Variants in MYH9 observed in about 807,000 individuals in gnomAD.
The protein encoded by MYH9 is myosin-9.
Under a neutral mutation model 241.9 loss-of-function variants are expected in MYH9, and 29 were observed. That is an observed-to-expected ratio of 0.12 (90% confidence interval 0.09 to 0.16). The LOEUF (loss-of-function observed/expected upper bound fraction) is 0.16, where lower values mean the gene tolerates loss of function less well. MYH9 is among the 10% of genes least tolerant of loss of function. The probability of loss-of-function intolerance (pLI) is 1.00; values close to 1 mark genes in which losing one functional copy is unlikely to be tolerated. For synonymous variants in MYH9, 1,047 were observed against 1,062.6 expected, an observed-to-expected ratio of 0.99 and a Z score of 0.29; for missense variants, 1,803 against 2,595.5, an observed-to-expected ratio of 0.69 and a Z score of 6.63.
intron 40 of MYH9, among the ~76,000 whole-genome samples, 158 bp from the exon 41 acceptor site, chr22:36,282,943 G>A (rs1206359041): frequency 6.6e-6 from 1 of 152,200 alleles, no homozygotes; most frequent in Non-Finnish European, 1.5e-5. Flanking sequence ...AGCCACAGCT[G>A]AGCTAGACAG....
At position 36,306,410 on chromosome 22, in the gene MYH9, G is replaced by GCAC. The variant is rs758592056; in HGVS notation, c.2037+1_2037+3dup. On this transcript the variant is annotated splice_donor_region_variant and intron_variant, in intron 16 of 40. Coordinates refer to ENST00000216181, the MANE Select transcript of MYH9 (RefSeq NM_002473.6). This position sits in a 1 kb window ranked among gnomAD's most constrained non-coding sequence, Gnocchi z 4.1. ...GCCCGGGCCACCCCACCAGGCAGCC[G>GCAC]CACCTTCTTCTCGTGGTTGGGGATG... The GCAC allele has an allele frequency of 6.2e-7, 1 of 1,614,016 alleles. No individual in the cohort carries two copies. Among genetic ancestry groups the GCAC allele is most frequent in the East Asian group, 2.2e-5 (1 of 44,876 alleles).
intron 5 of MYH9, among the ~76,000 whole-genome samples, chr22:36,325,765 T>G (rs2017326625): frequency 6.6e-6 from 1 of 152,134 alleles, no homozygotes; most frequent in Non-Finnish European, 1.5e-5. Context: ...GACTGGAGTT[T>G]CTGAGAACAA....
At chr22:36,321,012 G>C (rs1255735021) in intron 7 of MYH9, 116 bp from the exon 8 acceptor site, 5 of 769,530 alleles carry the variant, frequency 6.5e-6, no homozygotes. Context: ...GAGTGCAGTG[G>C]CATGATCTCG....
rs145517108 is a variant in MYH9, at chr22:36,312,211, C to T, written c.1566G>A (p.Pro522=). The change falls in exon 14 of 41, where the codon CCG becomes CCA. Residue 522 remains proline, a synonymous_variant. Transcript: ENST00000216181. ...IDLIEKPAGP[P]GILALLDEEC... ...CCTCGTCCAGCAGGGCCAGAATGCC[C>T]GGGGGGCCTGCCTGGAGGAAGCGCA... 1.4e-4 allele frequency: 229 copies of T among 1,614,014 alleles called. No individual in the cohort carries two copies. In the African/African-American group the frequency reaches 1.7e-3, roughly 12 times the overall value.
chr22:36,306,054 G>C lies in MYH9; in HGVS notation c.2038-3C>G, dbSNP rs367700075. The C allele has an allele frequency of 6.2e-7, 1 of 1,613,006 alleles. No homozygotes were observed. The highest frequency in any genetic ancestry group is 1.7e-5 in the Admixed American group (1 of 60,032). ...AGATGCGGGTCCAGCTTGCCGGCCT[G>C]GAGAAGAAAACACATGCATGCGGTC... On this transcript the variant is annotated splice_polypyrimidine_tract_variant and splice_region_variant and intron_variant, in intron 16 of 40. Coordinates refer to ENST00000216181, the MANE Select transcript of MYH9 (RefSeq NM_002473.6). This position sits in a 1 kb window ranked among gnomAD's most constrained non-coding sequence, Gnocchi z 4.1.
At chr22:36,379,296 A>G (rs1036737973) in intron 1 of MYH9, among the ~76,000 whole-genome samples, 1 of 152,204 alleles carries the variant, frequency 6.6e-6, no homozygotes, top group Non-Finnish European at 1.5e-5. Context: ...TCATGAGGTC[A>G]GGAGATGGAG....
Position 36,312,225 on chromosome 22 carries a change from G to A in MYH9, c.1555-3C>T, listed in dbSNP as rs1181623518. ...GCCAGAATGCCCGGGGGGCCTGCCT[G>A]GAGGAAGCGCAGCATCAGCACAGGT... is the stretch of plus-strand genomic sequence containing the variant. On this transcript the variant is annotated splice_polypyrimidine_tract_variant and splice_region_variant and intron_variant, in intron 13 of 40. Coordinates refer to ENST00000216181, the MANE Select transcript of MYH9 (RefSeq NM_002473.6). 6.2e-7 allele frequency: 1 copy of A among 1,613,870 alleles called. No individual in the cohort carries two copies. Among genetic ancestry groups the A allele is most frequent in the East Asian group, 2.2e-5 (1 of 44,894 alleles).
At chr22:36,335,405 G>A (rs925952393) in intron 3 of MYH9, among the ~76,000 whole-genome samples, 6 of 152,326 alleles carry the variant, frequency 3.9e-5, no homozygotes, top group East Asian at 1.9e-4. Context: ...GTGTGCTGAC[G>A]GCTGGCAGGG....
At chr22:36,355,213 C>T (rs978086832) in intron 1 of MYH9, among the ~76,000 whole-genome samples, 1 of 152,254 alleles carries the variant, frequency 6.6e-6, no homozygotes, top group East Asian at 1.9e-4. Flanking sequence ...AGGCCATAAT[C>T]GAGCGGGACA....
At chr22:36,348,123 GAT>G (rs1455757813) in intron 2 of MYH9, among the ~76,000 whole-genome samples, 1 of 145,548 alleles carries the variant, frequency 6.9e-6, no homozygotes. Context: ...AAATAATTAA[GAT>G]ATTTTATTTA....
chr22:36,311,363 G>A (rs555877346), intron 14 of MYH9, among the ~76,000 whole-genome samples: 43 of 152,056 alleles, frequency 2.8e-4, no homozygotes, highest in Admixed American at 2.6e-3. Flanking sequence ...GCAATTCCCC[G>A]CACCTCCCCC....
chr22:36,299,792 C>A (rs1479505733), intron 23 of MYH9, among the ~76,000 whole-genome samples: 1 of 152,208 alleles, frequency 6.6e-6, no homozygotes, highest in Admixed American at 6.5e-5. Flanking sequence ...CAACACAGAG[C>A]CACCAAGGTG....
chr22:36,313,669 G>C (rs983098579), intron 13 of MYH9, among the ~76,000 whole-genome samples: 5 of 39,256 alleles, frequency 1.3e-4, no homozygotes, highest in Admixed American at 4.3e-4. Context: ...TGGTTTTATG[G>C]GGGGGATGAG....
rs1603482941 is a variant in MYH9 at position 36,295,386 on chromosome 22, G to T, written c.3485+119C>A. The T allele has an allele frequency of 2.4e-6, 2 of 849,892 alleles. No homozygotes were observed. The highest frequency in any genetic ancestry group is 5.3e-5 in the East Asian group (2 of 37,574). The allele number at this position is 849,892 out of a possible 1,614,324, so 52.6% of individuals were successfully genotyped here. A position where few individuals can be genotyped will look rare whatever the true frequency, so the allele number is the denominator to read the frequency against. On this transcript the variant is annotated intron_variant, in intron 26 of 40. Coordinates refer to ENST00000216181, the MANE Select transcript of MYH9 (RefSeq NM_002473.6). The surrounding 1 kb of genome is among the most constrained non-coding windows in gnomAD (Gnocchi z 4.1). Reference sequence around the variant, plus strand: ...ACCAGCAGCTTCCATGCCTGCTGGTGCCTAAGAGGGCCACGGTGTGTGTGT... The same window carrying T: ...ACCAGCAGCTTCCATGCCTGCTGGTTCCTAAGAGGGCCACGGTGTGTGTGT...
intron 10 of MYH9, among the ~76,000 whole-genome samples, chr22:36,318,843 A>T (rs2146361710): frequency 6.6e-6 from 1 of 151,940 alleles, no homozygotes; most frequent in Non-Finnish European, 1.5e-5. Flanking sequence ...GGCTCACTGC[A>T]ACCCCTACCT....
chr22:36,294,085 G>A lies in MYH9; in HGVS notation c.3837+7C>T, dbSNP rs1292508774. ...TGCCCGCGCCAGGGTCCTGGCGGAGGCCTCACCTGCAGCTTGGTGACCTTG... is the reference window on the plus strand; with the variant it reads ...TGCCCGCGCCAGGGTCCTGGCGGAGACCTCACCTGCAGCTTGGTGACCTTG... On this transcript the variant is annotated splice_region_variant and intron_variant, in intron 28 of 40. Coordinates refer to ENST00000216181, the MANE Select transcript of MYH9 (RefSeq NM_002473.6). The A allele has an allele frequency of 6.2e-7, 1 of 1,607,362 alleles. No individual in the cohort carries two copies. The highest frequency in any genetic ancestry group is 8.5e-7 in the Non-Finnish European group (1 of 1,179,982).
At chr22:36,315,523 G>A (rs1427144424) in intron 12 of MYH9, among the ~76,000 whole-genome samples, 5 of 152,100 alleles carry the variant, frequency 3.3e-5, no homozygotes. Flanking sequence ...AAGCCTCCAA[G>A]AATGTGACCT....
At chr22:36,286,687 C>T (rs749716463) in intron 35 of MYH9, 31 bp downstream of exon 35, 6 of 1,609,080 alleles carry the variant, frequency 3.7e-6, no homozygotes, top group East Asian at 2.2e-5. Flanking sequence ...CGCAGGGCAG[C>T]GGTGCCGCTC....
chr22:36,351,216 G>A (rs2017760450), intron 1 of MYH9, among the ~76,000 whole-genome samples: 1 of 152,190 alleles, frequency 6.6e-6, no homozygotes, highest in South Asian at 2.1e-4. Context: ...TCGCCAGGAG[G>A]GACACAAGTC....
Sources: gnomAD v4.1 joint callset for allele counts (sites outside exome capture counted in the v4.1 genomes callset) on GRCh38, gnomAD v4.1.1 for gene constraint, Gnocchi (gnomAD v3.1) non-coding constraint, MANE v1.5 for transcripts, NCBI Gene and HGNC (gene_info 2026-07-23, HGNC 2026-07-21) for gene names.